Variants in RIN2 observed in about 807,000 individuals in gnomAD.
RIN2 encodes the protein RAB5 interacting protein 2.
Under a neutral mutation model 78.0 loss-of-function variants are expected in RIN2, and 36 were observed. That is an observed-to-expected ratio of 0.46 (90% confidence interval 0.35 to 0.61). RIN2 has a LOEUF of 0.61. Among genes scored for constraint, RIN2 ranks in the 20% least tolerant of loss-of-function variants. The pLI is 0.00. For missense variants in RIN2, 1,087 were observed against 1,159.7 expected (o/e 0.94, Z 0.91); for synonymous variants, 466 against 466.8 (o/e 1.00, Z 0.02).
At chr20:19,796,221 G>A (rs950447999) in intron 1 of RIN2, among the ~76,000 whole-genome samples, 5 of 152,132 alleles carry the variant, frequency 3.3e-5, no homozygotes, top group Non-Finnish European at 7.4e-5. Context: ...CCATAGTAAA[G>A]ATTTTCAAAA....
At position 19,960,721 on chromosome 20, in the gene RIN2, A is replaced by G. The variant is rs2041715881; in HGVS notation, c.373A>G (p.Thr125Ala). ...CTAGATCTTCCTGGTTCATAAATCT[A>G]CCAAGATGCAGAAGAAAGTCCTCTC... ...PPGIFLVHKS[T>A]KMQKKVLSLR... Residue 125 changes from threonine to alanine, a missense_variant, in exon 6 of 13, where the codon ACC becomes GCC. By Grantham distance (58) the Thr-to-Ala change is moderately conservative. Around this residue, in one of 8 missense-constraint regions of RIN2, gnomAD observed 706 missense variants for 667.5 expected, o/e 1.06. Coordinates refer to ENST00000255006, the MANE Select transcript of RIN2 (RefSeq NM_018993.4). 6.2e-7 allele frequency: 1 copy of G among 1,600,760 alleles called. No individual in the cohort carries two copies. Among genetic ancestry groups the G allele is most frequent in the South Asian group, 1.1e-5 (1 of 88,012 alleles).
Position 20,000,964 on chromosome 20 carries a change from A to C in RIN2, c.*28A>C, listed in dbSNP as rs1235525608. 6.4e-7 allele frequency: 1 copy of C among 1,566,022 alleles called. No individual in the cohort carries two copies. Among genetic ancestry groups the C allele is most frequent in the East Asian group, 2.2e-5 (1 of 44,520 alleles). On this transcript the variant is annotated 3_prime_UTR_variant, in exon 13 of 13. Transcript: ENST00000255006. ...GACAGGCGGGACTTCCCAGTGGTGCATCCAAAGGGGAGCTGGAAGCCTTGC... is the reference window on the plus strand; with the variant it reads ...GACAGGCGGGACTTCCCAGTGGTGCCTCCAAAGGGGAGCTGGAAGCCTTGC...
chr20:19,834,947 A>AAGAGAG (rs5840858), intron 2 of RIN2, among the ~76,000 whole-genome samples: 261 of 143,830 alleles, frequency 1.8e-3, no homozygotes, highest in African/African-American at 5.9e-3. Context: ...CTGTGAAGAA[A>AAGAGAG]AGAGAGAGAG....
intron 2 of RIN2, among the ~76,000 whole-genome samples, chr20:19,854,322 C>CA (rs2037092863): frequency 6.6e-6 from 1 of 152,216 alleles, no homozygotes; most frequent in Admixed American, 6.5e-5. Context: ...GTGATGCCTC[C>CA]AGCTTTGTTC....
At chr20:19,889,683 C>CTACACAAT in intron 3 of RIN2, 25 bp downstream of exon 3, 2 of 1,448,136 alleles carry the variant, frequency 1.4e-6, no homozygotes, top group Non-Finnish European at 1.8e-6. Flanking sequence ...TGATTGGGAT[C>CTACACAAT]TCAACTCGTC....
At chr20:19,945,977 G>A (rs1399760867) in intron 4 of RIN2, among the ~76,000 whole-genome samples, 14 of 152,144 alleles carry the variant, frequency 9.2e-5, no homozygotes, top group Non-Finnish European at 1.2e-4. Flanking sequence ...GCTGAGCAGC[G>A]GATTCTATTT....
chr20:19,904,278 T>G (rs1205555896), intron 3 of RIN2, among the ~76,000 whole-genome samples: 1 of 147,820 alleles, frequency 6.8e-6, no homozygotes, highest in Non-Finnish European at 1.5e-5. Flanking sequence ...ATATATATAT[T>G]TGCTGGATGA....
At chr20:19,947,044 A>C (rs999741305) in intron 4 of RIN2, among the ~76,000 whole-genome samples, 4 of 151,306 alleles carry the variant, frequency 2.6e-5, no homozygotes, top group African/African-American at 9.7e-5. Context: ...AAAAAAGCAA[A>C]TTCAGTATCT....
rs1439960150 is a variant in RIN2 at position 19,992,314 on chromosome 20, G to A, written c.2200+15G>A. ...ACATGGAGAAGGTAACTGCTTTTGA[G>A]AAAAGTTGAAGGAACTGGGTGCTAT... On this transcript the variant is annotated intron_variant, in intron 11 of 12. Coordinates refer to ENST00000255006, the MANE Select transcript of RIN2 (RefSeq NM_018993.4). 2 of 1,543,724 alleles carry A rather than the reference G, an allele frequency of 1.3e-6. No individual in the cohort carries two copies. The highest frequency in any genetic ancestry group is 2.5e-5 in the South Asian group (2 of 81,510).
intron 4 of RIN2, among the ~76,000 whole-genome samples, chr20:19,955,212 G>A (rs933101835): frequency 6.6e-6 from 1 of 152,122 alleles, no homozygotes; most frequent in Admixed American, 6.5e-5. Flanking sequence ...TTCAGTATGT[G>A]GCCTTATGTC....
At chr20:19,763,720 T>C (rs1051595465) in intron 1 of RIN2, among the ~76,000 whole-genome samples, 5 of 152,210 alleles carry the variant, frequency 3.3e-5, no homozygotes, top group African/African-American at 1.2e-4. Flanking sequence ...CAAAAAGCTT[T>C]GGTTGTAAGA....
intron 2 of RIN2, among the ~76,000 whole-genome samples, chr20:19,842,624 A>C (rs1305433393): frequency 6.6e-6 from 1 of 151,862 alleles, no homozygotes; most frequent in Non-Finnish European, 1.5e-5. Flanking sequence ...ACATTTCTTT[A>C]AAAATATTAC....
In RIN2 at chr20:19,978,475, C is replaced by A. The variant is rs545509922; in HGVS notation, c.1762+2688C>A. On this transcript the variant is annotated intron_variant, in intron 9 of 12. Transcript: ENST00000255006. Reference sequence around the variant, plus strand: ...AAACAAATAGTTCTCAGTCACTTTCCTTTTGCCCATGTGCTGGTGTCACTA... The same window carrying A: ...AAACAAATAGTTCTCAGTCACTTTCATTTTGCCCATGTGCTGGTGTCACTA... 1.1e-4 allele frequency among the ~76,000 whole-genome samples: 16 copies of A among 152,292 alleles called. No homozygotes were observed. The East Asian group carries it at 2.7e-3, about 26-fold the overall frequency.
At chr20:19,966,755 T>C (rs382503) in intron 7 of RIN2, among the ~76,000 whole-genome samples, 2,619 of 152,236 alleles carry the variant, frequency 0.017, 68 homozygotes, top group African/African-American at 0.054. Flanking sequence ...AAATGAGGGC[T>C]TCACTGAGAA....
At chr20:19,924,461 C>T (rs372661523) in intron 3 of RIN2, among the ~76,000 whole-genome samples, 10 of 37,054 alleles carry the variant, frequency 2.7e-4, no homozygotes, top group East Asian at 1.0e-3. Context: ...CCTTCATACC[C>T]TCACCTTCAT....
At chr20:19,925,515 T>C (rs1383590339) in intron 3 of RIN2, among the ~76,000 whole-genome samples, 1 of 152,208 alleles carries the variant, frequency 6.6e-6, no homozygotes, top group Admixed American at 6.5e-5. Flanking sequence ...AAAGAGATCA[T>C]ATGTGAAACA....
chr20:19,973,620 C>T (rs1455888124), intron 8 of RIN2, among the ~76,000 whole-genome samples: 2 of 152,142 alleles, frequency 1.3e-5, no homozygotes, highest in Non-Finnish European at 2.9e-5. Flanking sequence ...GAAACCCCGT[C>T]TCTCCTAAAA....
chr20:19,975,275 A>G lies in RIN2; in HGVS notation c.1250A>G (p.Glu417Gly). The G allele has an allele frequency of 1.3e-6, 2 of 1,595,014 alleles. No homozygotes were observed. The highest frequency in any genetic ancestry group is 1.7e-6 in the Non-Finnish European group (2 of 1,171,072). The stretch of plus-strand genomic sequence containing the variant: ...ACAAGGGCCCCGCCGCCCAGCTCTG[A>G]ATCACGGCCCCCGTGCCATGGAGGC... Reference protein sequence around the residue: ...DCTRAPPPSSESRPPCHGGRQ... With the variant: ...DCTRAPPPSSGSRPPCHGGRQ... The change falls in exon 9 of 13, where the codon GAA (glutamate) becomes GGA (glycine). Residue 417 changes from glutamate to glycine, a missense_variant. Glu to Gly is a moderately conservative substitution (Grantham distance 98, BLOSUM62 -2). Transcript: ENST00000255006. This position sits in a 1 kb window ranked among gnomAD's most constrained non-coding sequence, Gnocchi z 4.9.
At chr20:19,886,531 T>C (rs902092665) in intron 2 of RIN2, 17 of 582,456 alleles carry the variant, frequency 2.9e-5, no homozygotes, top group Non-Finnish European at 4.9e-5. Flanking sequence ...CTTTCAGTGG[T>C]GTTGTTGAAA....
Sources: allele counts gnomAD v4.1 joint callset (sites outside exome capture counted in the v4.1 genomes callset), GRCh38; gene constraint gnomAD v4.1.1; regional missense constraint gnomAD v4.1.1; non-coding constraint Gnocchi (gnomAD v3.1); transcripts MANE v1.5; gene names NCBI Gene and HGNC (gene_info 2026-07-23, HGNC 2026-07-21).